FBXL17: variants seen among roughly 807,000 people sequenced by gnomAD.
FBXL17 encodes the protein F-box/LRR-repeat protein 17.
Under a neutral mutation model 66.2 loss-of-function variants are expected in FBXL17, and 22 were observed. The ratio of observed to expected loss-of-function variants is 0.33; its 90% CI spans 0.24 to 0.47. The LOEUF (loss-of-function observed/expected upper bound fraction) is 0.47. Ranked by LOEUF, FBXL17 falls within the 20% of genes least tolerant of loss-of-function variation. The probability of loss-of-function intolerance (pLI) is 1.00; values close to 1 mark genes in which losing one functional copy is unlikely to be tolerated. For missense variants in FBXL17, 878 were observed against 948.2 expected, an observed-to-expected ratio of 0.93 and a Z score of 0.97; for synonymous variants, 474 against 400.5, an observed-to-expected ratio of 1.18 and a Z score of -2.19.
At position 108,140,496 on chromosome 5, in the gene FBXL17, G is replaced by A. The variant is rs74590430; in HGVS notation, c.1745+45621C>T. On this transcript the variant is annotated intron_variant, in intron 6 of 8. Coordinates refer to ENST00000542267, the MANE Select transcript of FBXL17 (RefSeq NM_001163315.3). The stretch of plus-strand genomic sequence containing the variant: ...AAATTTTCTCTTCCTTTGGCCTCAG[G>A]TGACAACTTTGCCTATTTTTCAAAT... Among the ~76,000 whole-genome samples the A allele has an allele frequency of 5.3e-5, 8 of 152,276 alleles. 1 individual carries two copies. The East Asian group carries it at 9.6e-4, about 18-fold the overall frequency.
intron 6 of FBXL17, among the ~76,000 whole-genome samples, chr5:108,090,963 T>G (rs1213152027): frequency 1.3e-5 from 2 of 152,212 alleles, no homozygotes; most frequent in African/African-American, 2.4e-5. Context: ...AATAACCAAT[T>G]ATTTAACTTG....
chr5:108,376,134 G>A (rs1749406091), intron 1 of FBXL17, among the ~76,000 whole-genome samples: 1 of 152,272 alleles, frequency 6.6e-6, no homozygotes, highest in South Asian at 2.1e-4. Context: ...TCCTCAACCT[G>A]AGAAAGAGCA....
chr5:107,935,399 TTA>T (rs1208087059), intron 7 of FBXL17, among the ~76,000 whole-genome samples: 156 of 148,212 alleles, frequency 1.1e-3, no homozygotes, highest in Admixed American at 3.0e-3. Flanking sequence ...GCATCTCTCT[TTA>T]TATATATATA....
intron 7 of FBXL17, among the ~76,000 whole-genome samples, chr5:107,952,054 G>A (rs1751514796): frequency 1.3e-5 from 2 of 151,822 alleles, no homozygotes; most frequent in South Asian, 2.1e-4. Flanking sequence ...ATTAATTTCT[G>A]AAAATTTTGA....
chr5:108,177,175 C>G (rs1339486201), intron 6 of FBXL17, among the ~76,000 whole-genome samples: 3 of 152,090 alleles, frequency 2.0e-5, no homozygotes, highest in African/African-American at 7.2e-5. Context: ...AATACCTATT[C>G]AAAATTCATT....
At chr5:108,015,236 A>G (rs1754336408) in intron 7 of FBXL17, among the ~76,000 whole-genome samples, 2 of 152,232 alleles carry the variant, frequency 1.3e-5, no homozygotes, top group African/African-American at 4.8e-5. Flanking sequence ...GAAATTTGCA[A>G]GCATAGATTT....
chr5:108,155,304 C>A lies in FBXL17; in HGVS notation c.1745+30813G>T, dbSNP rs1751951060. Among the ~76,000 whole-genome samples, 3 of 152,066 alleles carry A rather than the reference C, an allele frequency of 2.0e-5. No individual in the cohort carries two copies. In the South Asian group the frequency reaches 6.2e-4, roughly 32 times the overall value. On this transcript the variant is annotated intron_variant, in intron 6 of 8. Transcript: ENST00000542267. ...GGTTGAGGTGGGCAGATCACGAGGT[C>A]TGGAGTTTAAGACCAGCCTGAGCAA...
intron 6 of FBXL17, among the ~76,000 whole-genome samples, chr5:108,049,867 A>T (rs956646884): frequency 3.3e-5 from 5 of 151,906 alleles, no homozygotes; most frequent in Non-Finnish European, 7.4e-5. Context: ...GACACACTAT[A>T]CAAAATAAAC....
intron 6 of FBXL17, among the ~76,000 whole-genome samples, chr5:108,177,932 T>TATATATATATATATAC (rs1242739302): frequency 2.4e-5 from 3 of 126,832 alleles, no homozygotes; most frequent in African/African-American, 8.2e-5. Context: ...TATATATATA[T>TATATATATATATATAC]ACACACACAC....
intron 7 of FBXL17, among the ~76,000 whole-genome samples, chr5:107,982,753 C>T (rs288194): frequency 0.44 from 66,158 of 152,002 alleles, 14,558 homozygotes; most frequent in East Asian, 0.53. Flanking sequence ...GAAGTGCTCC[C>T]TCTAACAGGT....
chr5:107,994,746 G>T (rs1308350644), intron 7 of FBXL17, among the ~76,000 whole-genome samples: 4 of 152,058 alleles, frequency 2.6e-5, no homozygotes, highest in Non-Finnish European at 5.9e-5. Flanking sequence ...GCTGAGGCAG[G>T]AAAATCCCTT....
At chr5:108,006,511 C>T (rs555068790) in intron 7 of FBXL17, among the ~76,000 whole-genome samples, 17 of 152,204 alleles carry the variant, frequency 1.1e-4, no homozygotes, top group Non-Finnish European at 2.2e-4. Context: ...GTGGTTATGA[C>T]GAAGTGATAG....
intron 7 of FBXL17, among the ~76,000 whole-genome samples, chr5:107,911,777 G>A (rs1308744352): frequency 6.6e-6 from 1 of 152,000 alleles, no homozygotes; most frequent in Non-Finnish European, 1.5e-5. Context: ...CAGAATAAGA[G>A]AAAATATTTG....
At chr5:108,252,069 G>A in intron 4 of FBXL17, among the ~76,000 whole-genome samples, 1 of 152,076 alleles carries the variant, frequency 6.6e-6, no homozygotes, top group Non-Finnish European at 1.5e-5. Flanking sequence ...TGTGTACTTA[G>A]AAGTGGAATT....
chr5:108,220,045 T>C (rs527991152), intron 5 of FBXL17, among the ~76,000 whole-genome samples: 1 of 151,520 alleles, frequency 6.6e-6, no homozygotes, highest in Non-Finnish European at 1.5e-5. Flanking sequence ...CATATTGGTA[T>C]TTGTTTCATT....
intron 5 of FBXL17, among the ~76,000 whole-genome samples, chr5:108,211,226 C>A (rs941253401): frequency 1.3e-5 from 2 of 152,214 alleles, no homozygotes; most frequent in African/African-American, 2.4e-5. Flanking sequence ...TGTCTTTGCA[C>A]GTGAGATGGG....
chr5:108,098,035 A>C (rs768086242), intron 6 of FBXL17, among the ~76,000 whole-genome samples: 9 of 152,174 alleles, frequency 5.9e-5, no homozygotes, highest in East Asian at 1.9e-4. Context: ...CTCCTAGAAG[A>C]AGCTCATAGT....
chr5:108,017,479 T>C (rs1001718366), intron 7 of FBXL17, among the ~76,000 whole-genome samples: 1 of 152,182 alleles, frequency 6.6e-6, no homozygotes, highest in Non-Finnish European at 1.5e-5. Context: ...AACTGCCAAT[T>C]AGTGAGTGTC....
At chr5:108,175,646 A>T (rs1264735703) in intron 6 of FBXL17, among the ~76,000 whole-genome samples, 1 of 152,192 alleles carries the variant, frequency 6.6e-6, no homozygotes, top group Non-Finnish European at 1.5e-5. Flanking sequence ...GTCATTCTTC[A>T]TGTCTTCAGG....
Sources: gnomAD v4.1 joint callset for allele counts (sites outside exome capture counted in the v4.1 genomes callset) on GRCh38, gnomAD v4.1.1 for gene constraint, MANE v1.5 for transcripts, NCBI Gene and HGNC (gene_info 2026-07-23, HGNC 2026-07-21) for gene names.